The following BEGAIN variants were observed in gnomAD, a reference collection of about 807,000 sequenced individuals.
BEGAIN encodes the protein brain enriched guanylate kinase associated, also known as brain-enriched guanylate kinase-associated protein.
In BEGAIN, 19 loss-of-function variants were observed where a neutral mutation model predicts 35.8. That is an observed-to-expected ratio of 0.53 (90% CI 0.37 to 0.78). BEGAIN has a LOEUF of 0.78. Ranked by LOEUF, BEGAIN falls within the 30% of genes least tolerant of loss-of-function variation. BEGAIN has a pLI of 0.00. For missense variants in BEGAIN, 795 were observed against 853.6 expected (o/e 0.93, Z 0.85); for synonymous variants, 462 against 388.6 (o/e 1.19, Z -2.22).
intron 2 of BEGAIN, among the ~76,000 whole-genome samples, chr14:100,560,935 C>T (rs536096184): frequency 1.3e-5 from 2 of 152,346 alleles, no homozygotes; most frequent in Admixed American, 1.3e-4. Flanking sequence ...TCTCAGGTTG[C>T]TTTGCAGACA....
chr14:100,562,777 C>T (rs915886293), intron 2 of BEGAIN, among the ~76,000 whole-genome samples: 1 of 152,152 alleles, frequency 6.6e-6, no homozygotes, highest in Admixed American at 6.5e-5. Flanking sequence ...CTGCTCCCCG[C>T]CCCCCACTCA....
In BEGAIN at chr14:100,538,329, G is replaced by A; in HGVS notation, c.1479C>T (p.Asp493=). ...AGAGGTCGTCCCCCTCGGAGAAGCT[G>A]TCGGCCTTGTAGCTGGCGTAGAGCG... ...ASPLYASYKA[D]SFSEGDDLSQ... The change falls in exon 7 of 7, where the codon GAC becomes GAT. Residue 493 remains aspartate (D), a synonymous_variant. Transcript: ENST00000554140. The A allele has an allele frequency of 1.3e-6, 2 of 1,519,088 alleles. No homozygotes were observed. The highest frequency in any genetic ancestry group is 1.8e-6 in the Non-Finnish European group (2 of 1,141,162). 94.1% of individuals were successfully genotyped at this position (1,519,088 alleles called of 1,614,324 possible).
intron 6 of BEGAIN, 126 bp downstream of exon 6, chr14:100,540,370 A>C: frequency 1.3e-6 from 1 of 749,186 alleles, no homozygotes; most frequent in Non-Finnish European, 2.2e-6. Flanking sequence ...CGAGGGGGAC[A>C]GAGGAGGCTC....
Position 100,568,033 on chromosome 14 carries a change from A to G in BEGAIN, c.43-94T>C. On this transcript the variant is annotated intron_variant, in intron 1 of 6. Coordinates refer to ENST00000554140, the MANE Select transcript of BEGAIN (RefSeq NM_001385089.1). This position sits in a 1 kb window ranked among gnomAD's most constrained non-coding sequence, Gnocchi z 7.5. ...CGGGCACAGCGGGCACGGCCGGGCA[A>G]CCCCGCGGGGCCCCGTCCGTGGGAA... 3 of 1,184,868 alleles carry G rather than the reference A, an allele frequency of 2.5e-6. No individual in the cohort carries two copies. Among genetic ancestry groups the G allele is most frequent in the Non-Finnish European group, 3.2e-6 (3 of 952,214 alleles). The allele number at this position is 1,184,868 out of a possible 1,614,324, so 73.4% of individuals were successfully genotyped here.
At position 100,543,932 on chromosome 14, in the gene BEGAIN, T is replaced by C. The variant is rs1292005570; in HGVS notation, c.334A>G (p.Ser112Gly). The C allele has an allele frequency of 6.2e-7, 1 of 1,612,776 alleles. No individual in the cohort carries two copies. Among genetic ancestry groups the C allele is most frequent in the Admixed American group, 1.7e-5 (1 of 59,944 alleles). Residue 112 changes from serine (S) to glycine (G), a missense_variant, in exon 5 of 7, where the codon AGC becomes GGC. By Grantham distance (56) the Ser-to-Gly change is moderately conservative. This residue lies in a region of BEGAIN where 73 missense variants were observed against 143.2 expected (regional missense o/e 0.51). Transcript: ENST00000554140. Reference sequence around the variant, plus strand: ...CTGTTGAGGGCAACAATCTCGTGGCTCAGCGCACGCTTCTCCTCCTCATAG... The same window carrying C: ...CTGTTGAGGGCAACAATCTCGTGGCCCAGCGCACGCTTCTCCTCCTCATAG... ...QHYEEEKRAL[S>G]HEIVALNSHL... is the part of the protein sequence containing the mutation.
At chr14:100,583,692 C>CTTTTTTTTTTTTTTTTTTTTTTTTTTT (rs56090356) in intron 1 of BEGAIN, among the ~76,000 whole-genome samples, 4 of 108,992 alleles carry the variant, frequency 3.7e-5, no homozygotes, top group Admixed American at 1.0e-4. Context: ...GTTTTTCTTC[C>CTTTTTTTTTTTTTTTTTTTTTTTTTTT]TTTTTTTTTT....
intron 1 of BEGAIN, among the ~76,000 whole-genome samples, chr14:100,576,499 G>A (rs868327534): frequency 9.2e-5 from 14 of 152,304 alleles, no homozygotes; most frequent in African/African-American, 3.4e-4. Context: ...TTCATCCTCA[G>A]AACAGACCCC....
intron 2 of BEGAIN, among the ~76,000 whole-genome samples, chr14:100,556,496 C>A (rs1271893203): frequency 6.6e-6 from 1 of 152,162 alleles, no homozygotes; most frequent in Non-Finnish European, 1.5e-5. Flanking sequence ...ACTCCTGGAC[C>A]TTGGCACAGG....
Position 100,580,975 on chromosome 14 carries a change from G to A in BEGAIN, c.42+6274C>T, listed in dbSNP as rs140941775. ...TCCCACCCTATGGTCCCCGACAGTC[G>A]CCCCTCTACACCCGGACAGCCCTTC... On this transcript the variant is annotated intron_variant, in intron 1 of 6. Coordinates refer to ENST00000554140, the MANE Select transcript of BEGAIN (RefSeq NM_001385089.1). 9.0e-3 allele frequency among the ~76,000 whole-genome samples: 1,373 copies of A among 152,198 alleles called. 24 individuals are homozygous for A. Among genetic ancestry groups the A allele is most frequent in the African/African-American group, 0.031 (1,300 of 41,516 alleles).
At chr14:100,562,365 T>C (rs1159126924) in intron 2 of BEGAIN, among the ~76,000 whole-genome samples, 1 of 152,048 alleles carries the variant, frequency 6.6e-6, no homozygotes, top group Non-Finnish European at 1.5e-5. Context: ...CTGGATGCTG[T>C]CTAGGACAGG....
At chr14:100,570,498 G>A (rs1187192768) in intron 1 of BEGAIN, among the ~76,000 whole-genome samples, 2 of 149,336 alleles carry the variant, frequency 1.3e-5, no homozygotes, top group Admixed American at 6.6e-5. Flanking sequence ...TCCTCCATGC[G>A]GCCCTCTGTG....
In BEGAIN at chr14:100,538,283, G is replaced by A; in HGVS notation, c.1525C>T (p.Pro509Ser). ...TCGCCGCCCGCCCGCAGGAAGCAGG[G>A]CTCTGCCAGGTGGCCCTGGGAGAGG... is the stretch of plus-strand genomic sequence containing the variant. ...DDLSQGHLAE[P>S]CFLRAGGDLS... The change falls in exon 7 of 7, where the codon CCC becomes TCC. Residue 509 changes from proline (P) to serine (S), a missense_variant. Pro to Ser is a moderately conservative substitution (Grantham distance 74). Coordinates refer to ENST00000554140, the MANE Select transcript of BEGAIN (RefSeq NM_001385089.1). 1 of 1,553,836 alleles carries A rather than the reference G, an allele frequency of 6.4e-7. No homozygotes were observed.
rs1350250574 is a variant in BEGAIN, at chr14:100,563,900, A to G, written c.71+4011T>C. ...CCTCACAAACAGAATAGTTTTGGTG[A>G]AAAAAAGCCACCCCCAAAACACAGG... On this transcript the variant is annotated intron_variant, in intron 2 of 6. Coordinates refer to ENST00000554140, the MANE Select transcript of BEGAIN (RefSeq NM_001385089.1). The surrounding 1 kb of genome is among the most constrained non-coding windows in gnomAD (Gnocchi z 4.2). Among the ~76,000 whole-genome samples, 2 of 152,106 alleles carry G rather than the reference A, an allele frequency of 1.3e-5. No individual in the cohort carries two copies. Among genetic ancestry groups the G allele is most frequent in the African/African-American group, 4.8e-5 (2 of 41,376 alleles).
chr14:100,552,521 T>G (rs560241881), intron 2 of BEGAIN, among the ~76,000 whole-genome samples: 1 of 152,216 alleles, frequency 6.6e-6, no homozygotes, highest in Non-Finnish European at 1.5e-5. Flanking sequence ...CTGCCGGGGC[T>G]GCCGCCCTCC....
chr14:100,538,978 C>A lies in BEGAIN; in HGVS notation c.830G>T (p.Arg277Leu). The A allele has an allele frequency of 6.2e-7, 1 of 1,610,218 alleles. No individual in the cohort carries two copies. The change falls in exon 7 of 7, where the codon CGG becomes CTG. Residue 277 changes from arginine to leucine, a missense_variant. Physicochemically the swap from Arg to Leu is moderately radical, Grantham distance 102. This residue lies in a region of BEGAIN where 664 missense variants were observed against 647.7 expected (regional missense o/e 1.03). Transcript: ENST00000554140. Reference sequence around the variant, plus strand: ...CGCGCTGTCAGTGGAGTTCTGGGCCCGCAGGAAGCCCACGTCGGTCACGGG... The same window carrying A: ...CGCGCTGTCAGTGGAGTTCTGGGCCAGCAGGAAGCCCACGTCGGTCACGGG... Reference protein sequence around the residue: ...DAPVTDVGFLRAQNSTDSAAE... With the variant: ...DAPVTDVGFLLAQNSTDSAAE...
intron 4 of BEGAIN, among the ~76,000 whole-genome samples, chr14:100,544,792 C>G (rs931257062): frequency 1.3e-5 from 2 of 152,208 alleles, no homozygotes; most frequent in Non-Finnish European, 2.9e-5. Flanking sequence ...TGCTCGCACC[C>G]GCCACTCAGG....
rs200094375 is a variant in BEGAIN at position 100,582,127 on chromosome 14, A to AT, written c.42+5121dup. Among the ~76,000 whole-genome samples, 1,169 of 151,926 alleles carry AT rather than the reference A, an allele frequency of 7.7e-3. 16 individuals are homozygous for AT. The highest frequency in any genetic ancestry group is 0.027 in the African/African-American group (1,101 of 41,418). ...TCCCCTCGTCCCAGCACAGAAGTTT[A>AT]TTTTTTTTCCTTTCTTTCTTTTTTC... is the stretch of plus-strand genomic sequence containing the variant. On this transcript the variant is annotated intron_variant, in intron 1 of 6. Coordinates refer to ENST00000554140, the MANE Select transcript of BEGAIN (RefSeq NM_001385089.1).
At chr14:100,585,330 A>ATCCC (rs1399390727) in intron 1 of BEGAIN, among the ~76,000 whole-genome samples, 1 of 25,650 alleles carries the variant, frequency 3.9e-5, no homozygotes, top group African/African-American at 1.7e-4. Flanking sequence ...CCTCCCATCC[A>ATCCC]TCCCTCCCTC....
Position 100,543,954 on chromosome 14 carries a change from A to G in BEGAIN, c.312T>C (p.Tyr104=), listed in dbSNP as rs770718945. Reference sequence around the variant, plus strand: ...GGCTCAGCGCACGCTTCTCCTCCTCATAGTGCTGGCCCTGGGGGTGGGACA... The same window carrying G: ...GGCTCAGCGCACGCTTCTCCTCCTCGTAGTGCTGGCCCTGGGGGTGGGACA... The part of the protein sequence containing the change: ...EDKLYRMGQH[Y]EEEKRALSHE... Residue 104 remains tyrosine, a synonymous_variant, in exon 5 of 7, where the codon TAT becomes TAC. Transcript: ENST00000554140. The G allele has an allele frequency of 1.2e-6, 2 of 1,609,756 alleles. No homozygotes were observed. The highest frequency in any genetic ancestry group is 8.5e-7 in the Non-Finnish European group (1 of 1,178,228).
Sources: gnomAD v4.1 joint callset for allele counts (sites outside exome capture counted in the v4.1 genomes callset) on GRCh38, gnomAD v4.1.1 for gene constraint, gnomAD v4.1.1 regional missense constraint, Gnocchi (gnomAD v3.1) non-coding constraint, MANE v1.5 for transcripts, NCBI Gene and HGNC (gene_info 2026-07-23, HGNC 2026-07-21) for gene names.